The following TP53I13 variants were observed in gnomAD, a reference collection of about 807,000 sequenced individuals.
TP53I13 encodes tumor protein p53 inducible protein 13, also known as tumor protein p53-inducible protein 13.
Under a neutral mutation model 39.1 loss-of-function variants are expected in TP53I13, and 27 were observed. The observed-to-expected ratio is 0.69, with a 90% CI of 0.51 to 0.95. The LOEUF is 0.95. Ranked by LOEUF, TP53I13 falls within the 40% of genes least tolerant of loss-of-function variation. TP53I13 has a pLI of 0.00. For synonymous variants in TP53I13, 230 were observed against 224.6 expected (o/e 1.02, Z -0.22); for missense variants, 544 against 520.4 (o/e 1.05, Z -0.44).
At chr17:29,576,056 G>A (rs1468507073), downstream of TP53I13, 1 of 1,612,276 alleles carries the variant, frequency 6.2e-7, no homozygotes, top group African/African-American at 1.3e-5. Flanking sequence ...GGCTAAGATG[G>A]ACACGCCTTC....
chr17:29,577,269 G>C (rs376762023), downstream of TP53I13: 1 of 1,599,546 alleles, frequency 6.3e-7, no homozygotes, highest in Admixed American at 1.7e-5. Flanking sequence ...AAAGGGCCAG[G>C]CTGGCTTCAG....
the TP53I13 span, chr17:29,581,143 G>A: frequency 1.3e-5 from 8 of 611,252 alleles, no homozygotes; most frequent in East Asian, 1.1e-4. This position sits in a 1 kb window ranked among gnomAD's most constrained non-coding sequence, Gnocchi z 4.8. Context: ...AGGCTATGCG[G>A]GCCACATATG....
downstream of TP53I13, chr17:29,576,706 T>A: frequency 6.2e-7 from 1 of 1,612,228 alleles, no homozygotes; most frequent in Admixed American, 1.7e-5. Context: ...GGTCAGCACC[T>A]GGGGGCAGGG....
rs539600785 is a variant in TP53I13, at chr17:29,572,641, G to A, written c.1013G>A (p.Arg338Gln). Residue 338 changes from arginine to glutamine, a missense_variant, in exon 6 of 7, where the codon CGA (arginine) becomes CAA (glutamine). Arg to Gln is a conservative substitution (Grantham distance 43, BLOSUM62 1). Coordinates refer to ENST00000301057, the MANE Select transcript of TP53I13 (RefSeq NM_138349.4). ...TGCACACGGCTGCACAGAAACTTCC[G>A]ACGCGGGGAGAGCATCTACTGGGGG... ...TLCTRLHRNF[R>Q]RGESIYWGPT... is the part of the protein sequence containing the mutation. 1.1e-4 allele frequency: 169 copies of A among 1,585,142 alleles called. No homozygotes were observed. In the East Asian group the frequency reaches 3.3e-3, roughly 31 times the overall value.
chr17:29,566,879 C>T, upstream of TP53I13: 1 of 1,497,734 alleles, frequency 6.7e-7, no homozygotes, highest in Non-Finnish European at 8.8e-7. Context: ...ACGGCGCGCC[C>T]CCAGGGTCCC....
At chr17:29,575,947 C>G (rs201348527), downstream of TP53I13, 4 of 1,547,958 alleles carry the variant, frequency 2.6e-6, no homozygotes, top group Non-Finnish European at 1.8e-6. The surrounding 1 kb of genome is among the most constrained non-coding windows in gnomAD (Gnocchi z 5.5). Flanking sequence ...CCACTGCCCC[C>G]CTGCTCACCA....
At chr17:29,578,920 T>C in the TP53I13 span, 1 of 1,606,760 alleles carries the variant, frequency 6.2e-7, no homozygotes, top group Non-Finnish European at 8.5e-7. Flanking sequence ...CTCCCCGCCC[T>C]ACCCCACCTT....
the TP53I13 span, chr17:29,581,921 C>A: frequency 6.2e-7 from 1 of 1,612,570 alleles, no homozygotes. The surrounding 1 kb of genome is among the most constrained non-coding windows in gnomAD (Gnocchi z 4.8). Context: ...TTCAGCCGAC[C>A]CTCACCTGGC....
the TP53I13 span, among the ~76,000 whole-genome samples, chr17:29,580,169 C>T: frequency 6.6e-6 from 1 of 152,256 alleles, no homozygotes; most frequent in Non-Finnish European, 1.5e-5. Context: ...GATTGTGTCT[C>T]AGCTGCCTCT....
At chr17:29,578,383 G>C in the TP53I13 span, 5 of 1,613,386 alleles carry the variant, frequency 3.1e-6, no homozygotes, top group African/African-American at 4.0e-5. Context: ...TGGAGGAAGA[G>C]AGGGGCCCAG....
chr17:29,571,154 G>A (rs1254182130), intron 3 of TP53I13: 1 of 180,842 alleles, frequency 5.5e-6, no homozygotes, highest in African/African-American at 2.4e-5. Context: ...AATGATTGAT[G>A]GAGTATTTCC....
At chr17:29,568,461 A>G (rs1444475694), upstream of TP53I13, 1 of 152,648 alleles carries the variant, frequency 6.6e-6, no homozygotes, top group Non-Finnish European at 1.5e-5. The surrounding 1 kb of genome is among the most constrained non-coding windows in gnomAD (Gnocchi z 4.5). Flanking sequence ...TCCCCGGACG[A>G]GGAAAGGGGC....
upstream of TP53I13, chr17:29,566,464 C>T: frequency 6.2e-7 from 1 of 1,612,250 alleles, no homozygotes; most frequent in Non-Finnish European, 8.5e-7. Flanking sequence ...GGTGAGGCGA[C>T]CCCACGCATT....
downstream of TP53I13, chr17:29,576,286 G>A (rs148402352): frequency 3.4e-4 from 548 of 1,612,566 alleles, 1 homozygote; most frequent in Admixed American, 2.0e-3. Context: ...AGGGCTTCAG[G>A]GCAGAGCCAG....
At chr17:29,576,720 C>A, downstream of TP53I13, 1 of 1,608,878 alleles carries the variant, frequency 6.2e-7, no homozygotes, top group Middle Eastern at 1.8e-4. Flanking sequence ...GGCAGGGAGG[C>A]CAACACCCGC....
In TP53I13 at chr17:29,572,193, G is replaced by T. The variant is rs766538307; in HGVS notation, c.565G>T (p.Val189Leu). 6.2e-7 allele frequency: 1 copy of T among 1,611,210 alleles called. No homozygotes were observed. The highest frequency in any genetic ancestry group is 8.5e-7 in the Non-Finnish European group (1 of 1,179,490). Residue 189 changes from valine (V) to leucine (L), a missense_variant, in exon 6 of 7, where the codon GTG becomes TTG. Physicochemically the swap from Val to Leu is conservative, Grantham distance 32. Coordinates refer to ENST00000301057, the MANE Select transcript of TP53I13 (RefSeq NM_138349.4). ...GAGCTGGCGGCCCCCTGGCACAGAG[G>T]TGACATCTCAAGGGCCCAGGCAGCC... ...LRSWRPPGTEVTSQGPRQPSS... is the reference protein window; with the variant it reads ...LRSWRPPGTELTSQGPRQPSS...
chr17:29,581,599 A>C, the TP53I13 span: 8 of 714,432 alleles, frequency 1.1e-5, no homozygotes, highest in African/African-American at 3.5e-5. The surrounding 1 kb of genome is among the most constrained non-coding windows in gnomAD (Gnocchi z 4.8). Flanking sequence ...AGCCTGCAGT[A>C]ATTTCACAGG....
downstream of TP53I13, chr17:29,577,672 G>A: frequency 1.9e-6 from 3 of 1,612,140 alleles, no homozygotes; most frequent in Non-Finnish European, 2.5e-6. Context: ...AGTATTCCGG[G>A]TTAACAGGCA....
chr17:29,574,648 A>G, downstream of TP53I13: 1 of 1,385,504 alleles, frequency 7.2e-7, no homozygotes, highest in Non-Finnish European at 1.0e-6. Flanking sequence ...GGAGTGGCCC[A>G]GCTCCTATGG....
Sources: allele counts gnomAD v4.1 joint callset (sites outside exome capture counted in the v4.1 genomes callset), GRCh38; gene constraint gnomAD v4.1.1; non-coding constraint Gnocchi (gnomAD v3.1); transcripts MANE v1.5; gene names NCBI Gene and HGNC (gene_info 2026-07-23, HGNC 2026-07-21).